The following CNTN5 variants were observed in gnomAD, a reference collection of about 807,000 sequenced individuals.
CNTN5 encodes contactin-5.
CNTN5 carries 77 observed loss-of-function variants against 129.1 expected under a neutral mutation model. The ratio of observed to expected loss-of-function variants is 0.60; its 90% CI spans 0.50 to 0.72. The LOEUF is 0.72. Among genes scored for constraint, CNTN5 ranks in the 30% least tolerant of loss-of-function variants. The pLI, the probability that CNTN5 is intolerant of heterozygous loss-of-function variation, is 0.00. For missense variants in CNTN5, 1,478 were observed against 1,328.8 expected, an observed-to-expected ratio of 1.11 and a Z score of -1.75; for synonymous variants, 509 against 465.6, an observed-to-expected ratio of 1.09 and a Z score of -1.20.
At chr11:100,108,664 T>C (rs1945539460) in intron 13 of CNTN5, among the ~76,000 whole-genome samples, 1 of 152,168 alleles carries the variant, frequency 6.6e-6, no homozygotes, top group Non-Finnish European at 1.5e-5. Flanking sequence ...TCATTGATGC[T>C]GCCAGTCCAT....
Position 100,108,580 on chromosome 11 carries a change from A to G in CNTN5, c.1580+34286A>G, listed in dbSNP as rs74776747. Among the ~76,000 whole-genome samples the G allele has an allele frequency of 9.4e-3, 1,427 of 152,290 alleles. 32 individuals carry two copies. Among genetic ancestry groups the G allele is most frequent in the African/African-American group, 0.033 (1,354 of 41,560 alleles). On this transcript the variant is annotated intron_variant, in intron 13 of 24. Coordinates refer to ENST00000524871, the MANE Select transcript of CNTN5 (RefSeq NM_014361.4). ...TCAAGATCCTCTGAGGGAAACAAGC[A>G]GGCTGGGTACAGAAGTTAAACTTTG...
intron 1 of CNTN5, among the ~76,000 whole-genome samples, chr11:99,089,729 A>G (rs1866161715): frequency 6.6e-6 from 1 of 152,252 alleles, no homozygotes; most frequent in Admixed American, 6.5e-5. Context: ...TTAGATAGCG[A>G]GTAAAACTCT....
intron 9 of CNTN5, among the ~76,000 whole-genome samples, chr11:100,042,354 T>C (rs1942431911): frequency 6.6e-6 from 1 of 152,160 alleles, no homozygotes; most frequent in African/African-American, 2.4e-5. Flanking sequence ...TTTCAGCTTC[T>C]ATCAAAGATA....
chr11:99,561,984 G>A (rs192673609), intron 3 of CNTN5, among the ~76,000 whole-genome samples: 67 of 152,248 alleles, frequency 4.4e-4, no homozygotes, highest in Admixed American at 1.7e-3. Context: ...TGGCATACTA[G>A]TTATTTTGAG....
intron 17 of CNTN5, among the ~76,000 whole-genome samples, chr11:100,265,559 T>C (rs934766024): frequency 6.6e-6 from 1 of 152,058 alleles, no homozygotes; most frequent in Non-Finnish European, 1.5e-5. Context: ...AGAAAAAAAA[T>C]GAATCTGGAG....
chr11:100,077,634 A>G (rs1421503944), intron 13 of CNTN5, among the ~76,000 whole-genome samples: 3 of 152,068 alleles, frequency 2.0e-5, no homozygotes, highest in African/African-American at 7.2e-5. Context: ...CAGCCTGTGC[A>G]ACACAGCAAG....
chr11:99,813,388 A>G (rs1198594277), intron 3 of CNTN5, among the ~76,000 whole-genome samples: 3 of 152,162 alleles, frequency 2.0e-5, no homozygotes, highest in Admixed American at 6.6e-5. Flanking sequence ...AATCCTGAGT[A>G]TGATTTACCA....
intron 2 of CNTN5, among the ~76,000 whole-genome samples, chr11:99,542,400 A>G (rs181119659): frequency 4.9e-4 from 74 of 152,342 alleles, no homozygotes; most frequent in African/African-American, 1.7e-3. Context: ...AATTCCACAT[A>G]TGAATGAGAA....
Position 99,046,265 on chromosome 11 carries a change from A to T in CNTN5, c.-210+24995A>T, listed in dbSNP as rs1591100260. Among the ~76,000 whole-genome samples, 2 of 152,092 alleles carry T rather than the reference A, an allele frequency of 1.3e-5. 1 individual carries two copies. The highest frequency in any genetic ancestry group is 3.9e-4 in the East Asian group (2 of 5,174). ...TGATGCCTGAGAATCGCTTGAACCC[A>T]GGAGGTGGAGGTTGCGGTGAGCCAA... On this transcript the variant is annotated intron_variant, in intron 1 of 24. Coordinates refer to ENST00000524871, the MANE Select transcript of CNTN5 (RefSeq NM_014361.4).
intron 1 of CNTN5, among the ~76,000 whole-genome samples, chr11:99,102,410 A>T (rs1320301251): frequency 1.3e-5 from 2 of 152,154 alleles, no homozygotes; most frequent in East Asian, 3.9e-4. Flanking sequence ...TTACCACATC[A>T]TCAGGCTACA....
intron 3 of CNTN5, among the ~76,000 whole-genome samples, chr11:99,778,904 T>G (rs182294356): frequency 3.1e-5 from 4 of 128,220 alleles, no homozygotes; most frequent in Admixed American, 2.5e-4. Flanking sequence ...TCATAGCATT[T>G]TATTACATCA....
chr11:99,390,120 A>G (rs1027815674), intron 2 of CNTN5, among the ~76,000 whole-genome samples: 5 of 135,474 alleles, frequency 3.7e-5, no homozygotes, highest in African/African-American at 1.4e-4. Context: ...CAAATAAAAA[A>G]TAAAATAAGC....
chr11:99,756,108 G>A (rs2135250486), intron 3 of CNTN5, among the ~76,000 whole-genome samples: 1 of 152,142 alleles, frequency 6.6e-6, no homozygotes, highest in South Asian at 2.1e-4. Context: ...TTTTCAGGTT[G>A]TCTATTAAAG....
chr11:99,083,688 A>G (rs1287613459), intron 1 of CNTN5, among the ~76,000 whole-genome samples: 6 of 152,178 alleles, frequency 3.9e-5, no homozygotes, highest in South Asian at 4.1e-4. Context: ...GAAAGTTGTA[A>G]TTTCAAAATA....
intron 3 of CNTN5, among the ~76,000 whole-genome samples, chr11:99,674,322 G>A (rs143062230): frequency 0.044 from 6,588 of 150,916 alleles, 172 homozygotes; most frequent in South Asian, 0.091. Flanking sequence ...TTGTAAACAT[G>A]TTTAGGTTCC....
intron 3 of CNTN5, among the ~76,000 whole-genome samples, chr11:99,769,128 T>G (rs2135323653): frequency 6.6e-6 from 1 of 152,218 alleles, no homozygotes; most frequent in African/African-American, 2.4e-5. Context: ...AATATTCTTT[T>G]TGATACTTAA....
chr11:99,178,282 A>G (rs1035126624), intron 1 of CNTN5, among the ~76,000 whole-genome samples: 3 of 151,206 alleles, frequency 2.0e-5, no homozygotes, highest in Non-Finnish European at 4.4e-5. Flanking sequence ...GGATTTCAAG[A>G]CCAGTCTCAG....
At chr11:99,184,958 A>G (rs540223826) in intron 1 of CNTN5, among the ~76,000 whole-genome samples, 1 of 146,320 alleles carries the variant, frequency 6.8e-6, no homozygotes, top group Admixed American at 6.9e-5. Flanking sequence ...TATTAAATAA[A>G]TCAATTCCAG....
intron 2 of CNTN5, among the ~76,000 whole-genome samples, chr11:99,361,863 C>T (rs1208775376): frequency 6.6e-6 from 1 of 152,040 alleles, no homozygotes; most frequent in Non-Finnish European, 1.5e-5. Context: ...TATGTATATA[C>T]CACATTTTGT....
Sources: gnomAD v4.1 joint callset for allele counts (sites outside exome capture counted in the v4.1 genomes callset) on GRCh38, gnomAD v4.1.1 for gene constraint, MANE v1.5 for transcripts, NCBI Gene and HGNC (gene_info 2026-07-23, HGNC 2026-07-21) for gene names.